WFS1: variants seen among roughly 807,000 people sequenced by gnomAD.
WFS1 encodes the protein wolframin ER transmembrane glycoprotein.
WFS1 carries 90 observed loss-of-function variants against 68.5 expected under a neutral mutation model. The observed-to-expected ratio is 1.31, with a 90% confidence interval of 1.11 to 1.56. The LOEUF is 1.56. Ranked by LOEUF, WFS1 falls within the 40% of genes most tolerant of loss-of-function variation. WFS1 has a pLI of 0.00. For missense variants in WFS1, 1,767 were observed against 1,232.6 expected, an observed-to-expected ratio of 1.43 and a Z score of -6.49; for synonymous variants, 860 against 540.7, an observed-to-expected ratio of 1.59 and a Z score of -8.19.
chr4:6,279,255 G>T (rs916672169), intron 2 of WFS1, among the ~76,000 whole-genome samples: 1 of 152,226 alleles, frequency 6.6e-6, no homozygotes, highest in Non-Finnish European at 1.5e-5. Context: ...GTGAGCATCA[G>T]TTGAAATACC....
chr4:6,299,789 G>A, intron 7 of WFS1, among the ~76,000 whole-genome samples: 1 of 140,218 alleles, frequency 7.1e-6, no homozygotes, highest in South Asian at 2.4e-4. Flanking sequence ...TGTGTGTGTA[G>A]GGGTGGGTTG....
intron 4 of WFS1, among the ~76,000 whole-genome samples, chr4:6,290,525 GCTTT>G (rs1209155681): frequency 2.0e-5 from 3 of 152,250 alleles, no homozygotes; most frequent in Non-Finnish European, 4.4e-5. Context: ...GTGCAGTTGT[GCTTT>G]CTGATTTGAA....
chr4:6,295,366 G>C (rs139861041), intron 7 of WFS1, among the ~76,000 whole-genome samples, 177 bp downstream of exon 7: 1 of 152,052 alleles, frequency 6.6e-6, no homozygotes, highest in African/African-American at 2.4e-5. Context: ...ATGTGTCCTC[G>C]GGAGAGAGGC....
intron 2 of WFS1, among the ~76,000 whole-genome samples, chr4:6,285,175 ATCCAGGGAGAGTTACG>A (rs58550444): frequency 7.0e-6 from 1 of 142,222 alleles, no homozygotes; most frequent in South Asian, 2.4e-4. Flanking sequence ...GGAGAGTTAC[ATCCAGGGAGAGTTACG>A]TCCAGGGAGA....
Position 6,301,377 on chromosome 4 carries a change from T to G in WFS1, c.1582T>G (p.Tyr528Asp), listed in dbSNP as rs761976067. The G allele has an allele frequency of 6.2e-7, 1 of 1,612,630 alleles. No individual in the cohort carries two copies. ...ACAGCTGAGGAATTTCAAGGGCACC[T>G]ACTGCTACCTTGTGCCCTACCTGGT... Reference protein sequence around the residue: ...MAQLRNFKGTYCYLVPYLVCF... With the variant: ...MAQLRNFKGTDCYLVPYLVCF... Residue 528 changes from tyrosine (Y) to aspartate (D), a missense_variant, in exon 8 of 8, where the codon TAC (tyrosine) becomes GAC (aspartate). Transcript: ENST00000226760.
At chr4:6,296,789 TG>T (rs1730651066) in intron 7 of WFS1, among the ~76,000 whole-genome samples, 1 of 152,242 alleles carries the variant, frequency 6.6e-6, no homozygotes, top group African/African-American at 2.4e-5. Context: ...TAGTTATGGA[TG>T]GTGAGTCTAG....
intron 1 of WFS1, among the ~76,000 whole-genome samples, chr4:6,276,908 T>A (rs897220790): frequency 6.6e-6 from 1 of 152,240 alleles, no homozygotes; most frequent in Non-Finnish European, 1.5e-5. Flanking sequence ...CGTCTCCGCA[T>A]GGCTCTGTTA....
intron 1 of WFS1, among the ~76,000 whole-genome samples, chr4:6,274,075 C>A (rs1729915043): frequency 6.8e-6 from 1 of 147,056 alleles, no homozygotes; most frequent in Non-Finnish European, 1.5e-5. Flanking sequence ...GAGACGGAGT[C>A]TCGCTTTGTC....
At position 6,288,760 on chromosome 4, in the gene WFS1, C is replaced by A. The variant is rs1730381427; in HGVS notation, c.316-227C>A. ...CCAGTCGGAGCCCGTGTCTCCCTCGCCGTGTGGATGGGGTGGCCACACCTT... is the reference window on the plus strand; with the variant it reads ...CCAGTCGGAGCCCGTGTCTCCCTCGACGTGTGGATGGGGTGGCCACACCTT... On this transcript the variant is annotated intron_variant, in intron 3 of 7. Transcript: ENST00000226760. The A allele has an allele frequency of 1.3e-5, 8 of 622,500 alleles. No homozygotes were observed. The Admixed American group carries it at 1.8e-4, about 14-fold the overall frequency. 38.6% of individuals were successfully genotyped at this position (622,500 alleles called of 1,614,324 possible).
In WFS1 at chr4:6,295,145, G is replaced by A. The variant is rs142428158; in HGVS notation, c.817G>A (p.Glu273Lys). The change falls in exon 7 of 8, where the codon GAG (glutamate) becomes AAG (lysine). Residue 273 changes from glutamate (E) to lysine (K), a missense_variant. Coordinates refer to ENST00000226760, the MANE Select transcript of WFS1 (RefSeq NM_006005.3). ...LFLQDDEDDD[E>K]LAGKSPEDLP... ...CCTGCAGGACGACGAAGATGATGAC[G>A]AGCTGGCGGGGAAGAGCCCTGAGGA... 1.0e-4 allele frequency: 165 copies of A among 1,612,748 alleles called. No individual in the cohort carries two copies. In the Admixed American group the frequency reaches 1.0e-3, roughly 10 times the overall value.
chr4:6,282,752 G>A (rs1730203551), intron 2 of WFS1, among the ~76,000 whole-genome samples: 1 of 152,200 alleles, frequency 6.6e-6, no homozygotes. Context: ...TGTTCATTGT[G>A]TGGGAAGAAG....
At chr4:6,288,055 A>G (rs1730361935) in intron 3 of WFS1, among the ~76,000 whole-genome samples, 1 of 152,098 alleles carries the variant, frequency 6.6e-6, no homozygotes, top group Admixed American at 6.6e-5. Flanking sequence ...TGTCTCCACT[A>G]CAAATAGAAA....
At position 6,301,283 on chromosome 4, in the gene WFS1, G is replaced by C; in HGVS notation, c.1488G>C (p.Leu496=). Residue 496 remains leucine, a synonymous_variant, in exon 8 of 8, where the codon CTG becomes CTC. Transcript: ENST00000226760. ...QTFITVPVGH[L]VVLNVSVPCL... ...TCATCACCGTGCCTGTCGGCCACCT[G>C]GTCGTCCTCAACGTCAGCGTCCCGT... 1.2e-6 allele frequency: 2 copies of C among 1,611,352 alleles called. No homozygotes were observed. Among genetic ancestry groups the C allele is most frequent in the East Asian group, 2.2e-5 (1 of 44,888 alleles).
At chr4:6,288,244 C>G (rs540703493) in intron 3 of WFS1, among the ~76,000 whole-genome samples, 47 of 151,852 alleles carry the variant, frequency 3.1e-4, no homozygotes, top group African/African-American at 1.0e-3. Context: ...AATTTCTTTC[C>G]TGACCTCACA....
Position 6,300,734 on chromosome 4 carries a change from C to T in WFS1, c.939C>T (p.His313=), listed in dbSNP as rs764627117. 1 of 1,614,092 alleles carries T rather than the reference C, an allele frequency of 6.2e-7. No homozygotes were observed. The highest frequency in any genetic ancestry group is 8.5e-7 in the Non-Finnish European group (1 of 1,180,000). The change falls in exon 8 of 8, where the codon CAC becomes CAT. Residue 313 remains histidine, a synonymous_variant. Transcript: ENST00000226760. The part of the protein sequence containing the change: ...LIDMASRAGM[H]WLSTIIPTHH... ...ACATGGCCTCCAGGGCAGGCATGCA[C>T]TGGCTGTCCACCATCATCCCCACGC...
rs1480314724 is a variant in WFS1, at chr4:6,301,829, G to C, written c.2034G>C (p.Trp678Cys). 1 of 1,613,172 alleles carries C rather than the reference G, an allele frequency of 6.2e-7. No homozygotes were observed. Among genetic ancestry groups the C allele is most frequent in the South Asian group, 1.1e-5 (1 of 91,080 alleles). The part of the protein sequence containing the change: ...QYGALCGPRA[W>C]KETNMARTQI... Reference sequence around the variant, plus strand: ...GTGCGCTGTGCGGGCCACGCGCCTGGAAGGAGACCAACATGGCGCGCACCC... The same window carrying C: ...GTGCGCTGTGCGGGCCACGCGCCTGCAAGGAGACCAACATGGCGCGCACCC... Residue 678 changes from tryptophan (W) to cysteine (C), a missense_variant, in exon 8 of 8, where the codon TGG (tryptophan) becomes TGC (cysteine). Transcript: ENST00000226760.
chr4:6,302,256 A>G lies in WFS1; in HGVS notation c.2461A>G (p.Ser821Gly). 1 of 1,604,612 alleles carries G rather than the reference A, an allele frequency of 6.2e-7. No homozygotes were observed. Among genetic ancestry groups the G allele is most frequent in the Non-Finnish European group, 8.5e-7 (1 of 1,173,698 alleles). ...CGTGCTGCTCAGCCTGCGCCAGGGC[A>G]GCCTCATCGAGTTCAGCACCATCCT... is the stretch of plus-strand genomic sequence containing the variant. ...KSVLLSLRQG[S>G]LIEFSTILEG... The change falls in exon 8 of 8, where the codon AGC becomes GGC. Residue 821 changes from serine to glycine, a missense_variant. Ser to Gly is a moderately conservative substitution (Grantham distance 56, BLOSUM62 0). Transcript: ENST00000226760.
Position 6,303,064 on chromosome 4 carries a change from A to C in WFS1, c.*596A>C. On this transcript the variant is annotated 3_prime_UTR_variant, in exon 8 of 8. Coordinates refer to ENST00000226760, the MANE Select transcript of WFS1 (RefSeq NM_006005.3). The stretch of plus-strand genomic sequence containing the variant: ...GCTGGGCACCACAGGCTGCCTCATG[A>C]CCCTCCTGTCCAGCAGGTAGTGGGT... 1 of 159,132 alleles carries C rather than the reference A, an allele frequency of 6.3e-6. No homozygotes were observed. The highest frequency in any genetic ancestry group is 1.8e-4 in the South Asian group (1 of 5,536). The allele number at this position is 159,132 out of a possible 1,614,324, so 9.9% of individuals were successfully genotyped here.
rs55814513 is a variant in WFS1, at chr4:6,301,470, G to T, written c.1675G>T (p.Ala559Ser). 3 of 1,612,654 alleles carry T rather than the reference G, an allele frequency of 1.9e-6. No individual in the cohort carries two copies. In the African/African-American group the frequency reaches 4.0e-5, roughly 22 times the overall value. The change falls in exon 8 of 8, where the codon GCC becomes TCC. Residue 559 changes from alanine (A) to serine (S), a missense_variant. Physicochemically the swap from Ala to Ser is moderately conservative, Grantham distance 99. Transcript: ENST00000226760. ...LESTGLGLLR[A>S]SIGYFLFLFA... ...GTCCACCGGCCTGGGGCTGCTCCGC[G>T]CCTCCATCGGCTACTTCCTCTTCCT... is the stretch of plus-strand genomic sequence containing the variant.
Sources: allele counts gnomAD v4.1 joint callset (sites outside exome capture counted in the v4.1 genomes callset), GRCh38; gene constraint gnomAD v4.1.1; transcripts MANE v1.5; gene names NCBI Gene and HGNC (gene_info 2026-07-23, HGNC 2026-07-21).